The following DCAF4 variants were observed in gnomAD, a reference collection of about 807,000 sequenced individuals.
The protein encoded by DCAF4 is DDB1- and CUL4-associated factor 4.
In DCAF4, 37 loss-of-function variants were observed where a neutral mutation model predicts 60.9. That is an observed-to-expected ratio of 0.61 (90% CI 0.47 to 0.80). The LOEUF (loss-of-function observed/expected upper bound fraction) is 0.80. Among genes scored for constraint, DCAF4 ranks in the 30% least tolerant of loss-of-function variants. The pLI, the probability that DCAF4 is intolerant of heterozygous loss-of-function variation, is 0.00. For synonymous variants in DCAF4, 243 were observed against 254.8 expected, an observed-to-expected ratio of 0.95 and a Z score of 0.44; for missense variants, 577 against 650.0, an observed-to-expected ratio of 0.89 and a Z score of 1.22.
intron 4 of DCAF4, among the ~76,000 whole-genome samples, chr14:72,940,976 T>TG (rs1889970756): frequency 6.7e-6 from 1 of 148,692 alleles, no homozygotes; most frequent in Non-Finnish European, 1.5e-5. Flanking sequence ...TTTTTGGGGT[T>TG]TTTTTGAGAC....
chr14:72,942,916 A>G, intron 5 of DCAF4, 78 bp from the exon 6 acceptor site: 1 of 1,326,364 alleles, frequency 7.5e-7, no homozygotes, highest in Non-Finnish European at 1.1e-6. Flanking sequence ...TCAGCGGGGC[A>G]GGGAAGGCCA....
chr14:72,927,594 G>A (rs995633505), intron 1 of DCAF4, among the ~76,000 whole-genome samples: 21 of 151,784 alleles, frequency 1.4e-4, no homozygotes, highest in Non-Finnish European at 2.9e-4. Context: ...CTCGTGATCC[G>A]CCCGCCTCGG....
intron 13 of DCAF4, 185 bp downstream of exon 13, chr14:72,956,685 A>C: frequency 1.8e-6 from 1 of 556,006 alleles, no homozygotes; most frequent in Non-Finnish European, 3.2e-6. Context: ...TCAGGAGTGT[A>C]AATAAATGTC....
intron 1 of DCAF4, among the ~76,000 whole-genome samples, chr14:72,930,870 T>C (rs1453018091): frequency 6.6e-6 from 1 of 152,220 alleles, no homozygotes; most frequent in East Asian, 1.9e-4. Context: ...GACACTTCTT[T>C]CTTTCATTGA....
intron 8 of DCAF4, among the ~76,000 whole-genome samples, chr14:72,949,265 AC>A: frequency 6.6e-6 from 1 of 152,302 alleles, no homozygotes; most frequent in South Asian, 2.1e-4. Flanking sequence ...CCTGGGCAAT[AC>A]AGAAAGACCT....
downstream of DCAF4, chr14:72,960,598 G>C: frequency 9.5e-7 from 1 of 1,056,096 alleles, no homozygotes. Flanking sequence ...CCACATTCAG[G>C]ATCATGGTGG....
At chr14:72,938,772 A>G (rs1202258023) in intron 2 of DCAF4, among the ~76,000 whole-genome samples, 7 of 152,156 alleles carry the variant, frequency 4.6e-5, no homozygotes, top group African/African-American at 1.7e-4. Flanking sequence ...ATACCTATGT[A>G]TGACACTCCT....
chr14:72,944,111 C>G (rs1890410623), intron 6 of DCAF4, among the ~76,000 whole-genome samples: 1 of 152,102 alleles, frequency 6.6e-6, no homozygotes. Context: ...TGTGTGGGGT[C>G]TGGTGATGCA....
At chr14:72,951,316 A>G (rs1302074258) in intron 8 of DCAF4, among the ~76,000 whole-genome samples, 1 of 152,126 alleles carries the variant, frequency 6.6e-6, no homozygotes, top group Non-Finnish European at 1.5e-5. Context: ...TCCCTTTAAA[A>G]AACATCTGAA....
intron 3 of DCAF4, 50 bp downstream of exon 3, chr14:72,939,952 C>A (rs368138672): frequency 6.7e-7 from 1 of 1,492,276 alleles, no homozygotes; most frequent in South Asian, 1.3e-5. Flanking sequence ...ACAGGGAAGG[C>A]TGAGACCCGT....
intron 6 of DCAF4, among the ~76,000 whole-genome samples, chr14:72,945,044 G>A (rs2140255952): frequency 6.6e-6 from 1 of 151,934 alleles, no homozygotes. Flanking sequence ...AGCTGAGGTG[G>A]TGCCACTGTA....
rs553776958 is a variant in DCAF4, at chr14:72,950,830, T to C, written c.729-968T>C. ...TGTATGTTTTTTTTTAAACAAAAGC[T>C]GCTTTGTGTTATTTATTGACAAATA... On this transcript the variant is annotated intron_variant, in intron 8 of 13. Transcript: ENST00000358377. Among the ~76,000 whole-genome samples the C allele has an allele frequency of 1.9e-4, 29 of 152,134 alleles. No individual in the cohort carries two copies. The East Asian group carries it at 5.6e-3, about 29-fold the overall frequency.
chr14:72,955,423 C>G, intron 11 of DCAF4, 100 bp from the exon 12 acceptor site: 2 of 1,417,840 alleles, frequency 1.4e-6, no homozygotes, highest in South Asian at 2.6e-5. Flanking sequence ...CACCGTCTGA[C>G]CCAGAGGCTG....
intron 6 of DCAF4, among the ~76,000 whole-genome samples, chr14:72,943,460 T>C (rs564710990): frequency 1.3e-5 from 2 of 152,334 alleles, no homozygotes; most frequent in African/African-American, 4.8e-5. Flanking sequence ...CTTCCTGAAC[T>C]GGGGCAGGAC....
At chr14:72,937,485 A>G (rs1889438524) in intron 1 of DCAF4, among the ~76,000 whole-genome samples, 1 of 147,644 alleles carries the variant, frequency 6.8e-6, no homozygotes. Flanking sequence ...AGTGAGCACA[A>G]TCTCAGCTCA....
At chr14:72,930,629 GTA>G (rs1888441181) in intron 1 of DCAF4, among the ~76,000 whole-genome samples, 1 of 138,272 alleles carries the variant, frequency 7.2e-6, no homozygotes, top group African/African-American at 2.6e-5. Context: ...ATTTATGTGT[GTA>G]TGTGTGTGTG....
intron 4 of DCAF4, among the ~76,000 whole-genome samples, chr14:72,941,318 T>C (rs1400261744): frequency 6.6e-6 from 1 of 152,218 alleles, no homozygotes; most frequent in Non-Finnish European, 1.5e-5. Flanking sequence ...ATACAGGCCA[T>C]CTTGTCTGTT....
chr14:72,954,960 C>T (rs1389572455), intron 11 of DCAF4, among the ~76,000 whole-genome samples: 1 of 151,956 alleles, frequency 6.6e-6, no homozygotes, highest in Admixed American at 6.6e-5. Context: ...ACTAAAAATA[C>T]GAAAGTTAGC....
intron 1 of DCAF4, among the ~76,000 whole-genome samples, chr14:72,935,705 G>A (rs1005229814): frequency 4.6e-5 from 7 of 152,202 alleles, no homozygotes; most frequent in Non-Finnish European, 7.3e-5. Flanking sequence ...CATCGGCTGC[G>A]TCCTGCTGAT....
Sources: gnomAD v4.1 joint callset for allele counts (sites outside exome capture counted in the v4.1 genomes callset) on GRCh38, gnomAD v4.1.1 for gene constraint, MANE v1.5 for transcripts, NCBI Gene and HGNC (gene_info 2026-07-23, HGNC 2026-07-21) for gene names.